The following AIRE variants were observed in gnomAD, a reference collection of about 807,000 sequenced individuals.
AIRE encodes autoimmune regulator, also known as autoimmune polyendocrinopathy candidiasis ectodermal dystrophy protein.
In AIRE, 52 loss-of-function variants were observed where a neutral mutation model predicts 62.1. That is an observed-to-expected ratio of 0.84 (90% CI 0.67 to 1.06). The LOEUF (loss-of-function observed/expected upper bound fraction) is 1.06. Among genes scored for constraint, AIRE ranks in the 50% least tolerant of loss-of-function variants. The probability of loss-of-function intolerance (pLI) is 0.00; values close to 1 mark genes in which losing one functional copy is unlikely to be tolerated. For synonymous variants in AIRE, 342 were observed against 321.6 expected (o/e 1.06, Z -0.68); for missense variants, 774 against 755.8 (o/e 1.02, Z -0.28).
Position 44,292,426 on chromosome 21 carries a change from G to A in AIRE, c.1095+25G>A, listed in dbSNP as rs770587794. 1.0e-5 allele frequency: 15 copies of A among 1,503,768 alleles called. No individual in the cohort carries two copies. In the South Asian group the frequency reaches 1.3e-4, roughly 13 times the overall value. 93.2% of individuals were successfully genotyped at this position (1,503,768 alleles called of 1,614,324 possible). Reference sequence around the variant, plus strand: ...GGTATGGCCACGCCCCCTCCTAGCCGGGCCACCCCTCCTGTCCACATGGCC... The same window carrying A: ...GGTATGGCCACGCCCCCTCCTAGCCAGGCCACCCCTCCTGTCCACATGGCC... On this transcript the variant is annotated intron_variant, in intron 9 of 13. Transcript: ENST00000291582.
intron 7 of AIRE, chr21:44,290,549 C>A: frequency 5.2e-6 from 4 of 771,712 alleles, no homozygotes; most frequent in African/African-American, 1.9e-5. Flanking sequence ...CCAGTCCTGC[C>A]CTGCAGGAGC....
At position 44,292,337 on chromosome 21, in the gene AIRE, C is replaced by G; in HGVS notation, c.1031C>G (p.Thr344Arg). ...AGGTGCTCCAGCTGCCTGCAGGCAA[C>G]AGTCCAGGAGGTGCAGCCCCGGGCA... ...TWRCSSCLQA[T>R]VQEVQPRAEE... is the part of the protein sequence containing the mutation. The change falls in exon 9 of 14, where the codon ACA (threonine) becomes AGA (arginine). Residue 344 changes from threonine (T) to arginine (R), a missense_variant. Thr to Arg is a moderately conservative substitution (Grantham distance 71). Around this residue, in one of 3 missense-constraint regions of AIRE, gnomAD observed 354 missense variants for 296.1 expected, o/e 1.20. Coordinates refer to ENST00000291582, the MANE Select transcript of AIRE (RefSeq NM_000383.4). The G allele has an allele frequency of 6.3e-7, 1 of 1,577,968 alleles. No individual in the cohort carries two copies. The highest frequency in any genetic ancestry group is 8.6e-7 in the Non-Finnish European group (1 of 1,162,294).
intron 9 of AIRE, 117 bp downstream of exon 9, chr21:44,292,518 C>T (rs993753184): frequency 1.4e-6 from 1 of 713,836 alleles, no homozygotes; most frequent in Non-Finnish European, 2.4e-6. Flanking sequence ...TGGGACAGGA[C>T]TGCCCCAGCC....
At position 44,291,115 on chromosome 21, in the gene AIRE, C is replaced by T. The variant is rs536338321; in HGVS notation, c.900C>T (p.Ala300=). ...GCCAGAAGAATGAGGACGAGTGTGC[C>T]GTGTGTCGGGACGGCGGGGAGCTCA... ...QLHQKNEDEC[A]VCRDGGELIC... is the part of the protein sequence containing the mutation. The change falls in exon 8 of 14, where the codon GCC becomes GCT. Residue 300 remains alanine (A), a synonymous_variant. Coordinates refer to ENST00000291582, the MANE Select transcript of AIRE (RefSeq NM_000383.4). The T allele has an allele frequency of 2.3e-5, 37 of 1,612,792 alleles. No individual in the cohort carries two copies. The highest frequency in any genetic ancestry group is 1.8e-4 in the South Asian group (16 of 91,076).
At chr21:44,294,794 C>T (rs934239701) in intron 12 of AIRE, among the ~76,000 whole-genome samples, 2 of 152,196 alleles carry the variant, frequency 1.3e-5, no homozygotes, top group Non-Finnish European at 2.9e-5. Context: ...CCTGCCAGGG[C>T]TCCCTGGTGG....
chr21:44,293,734 T>A, intron 10 of AIRE, 55 bp from the exon 11 acceptor site: 1 of 1,593,742 alleles, frequency 6.3e-7, no homozygotes. Context: ...CGGGTTCGGG[T>A]TCAGCTACAT....
intron 13 of AIRE, among the ~76,000 whole-genome samples, chr21:44,296,968 G>A (rs562167505): frequency 6.6e-6 from 1 of 152,226 alleles, no homozygotes. Flanking sequence ...AAGAGGATAA[G>A]CTCCTTCAGC....
chr21:44,286,949 G>A lies in AIRE; in HGVS notation c.308-29G>A. The A allele has an allele frequency of 1.9e-6, 3 of 1,612,696 alleles. No homozygotes were observed. Among genetic ancestry groups the A allele is most frequent in the Non-Finnish European group, 2.5e-6 (3 of 1,179,938 alleles). On this transcript the variant is annotated intron_variant, in intron 2 of 13. Coordinates refer to ENST00000291582, the MANE Select transcript of AIRE (RefSeq NM_000383.4). The surrounding 1 kb of genome is among the most constrained non-coding windows in gnomAD (Gnocchi z 6.0). Reference sequence around the variant, plus strand: ...TACCCCTGGAGAAAACCCTGAGGTTGGGACCCTGCTCCTGCCCCTGAGCTG... The same window carrying A: ...TACCCCTGGAGAAAACCCTGAGGTTAGGACCCTGCTCCTGCCCCTGAGCTG...
chr21:44,292,922 G>A (rs1189013579), intron 9 of AIRE, 71 bp from the exon 10 acceptor site: 15 of 1,472,132 alleles, frequency 1.0e-5, no homozygotes, highest in Non-Finnish European at 1.4e-5. Context: ...CAGGGTCCCA[G>A]CAGTCACTGA....
chr21:44,287,211 C>A lies in AIRE; in HGVS notation c.463+78C>A. The A allele has an allele frequency of 6.4e-7, 1 of 1,561,576 alleles. No homozygotes were observed. Among genetic ancestry groups the A allele is most frequent in the Non-Finnish European group, 8.7e-7 (1 of 1,149,260 alleles). On this transcript the variant is annotated intron_variant, in intron 3 of 13. Coordinates refer to ENST00000291582, the MANE Select transcript of AIRE (RefSeq NM_000383.4). The surrounding 1 kb of genome is among the most constrained non-coding windows in gnomAD (Gnocchi z 4.3). ...CCCGGGAGCCCACGCCCCCTCCCCA[C>A]CCGGGCTCCCACCCACTGGGTGTGG...
At chr21:44,290,580 G>C in intron 7 of AIRE, 2 of 717,974 alleles carry the variant, frequency 2.8e-6, no homozygotes, top group Non-Finnish European at 1.7e-6. Flanking sequence ...GTGGGCGTCT[G>C]GGGGATTGTT....
At position 44,297,541 on chromosome 21, in the gene AIRE, C is replaced by G; in HGVS notation, c.1567-115C>G. 3 of 1,006,366 alleles carry G rather than the reference C, an allele frequency of 3.0e-6. No homozygotes were observed. Among genetic ancestry groups the G allele is most frequent in the Non-Finnish European group, 4.6e-6 (3 of 654,504 alleles). 62.3% of individuals were successfully genotyped at this position (1,006,366 alleles called of 1,614,324 possible). ...GCCATGGGGCCTCGGGCCTCAGTTT[C>G]CCCACCTTTGACTTAGAGGGAAGGT... On this transcript the variant is annotated intron_variant, in intron 13 of 13. Coordinates refer to ENST00000291582, the MANE Select transcript of AIRE (RefSeq NM_000383.4). The surrounding 1 kb of genome is among the most constrained non-coding windows in gnomAD (Gnocchi z 4.8).
chr21:44,290,961 T>G (rs1399044038), intron 7 of AIRE, 134 bp from the exon 8 acceptor site: 1 of 1,612,460 alleles, frequency 6.2e-7, no homozygotes, highest in East Asian at 2.2e-5. Context: ...CCTGGCAGCA[T>G]GGGAGCAGGG....
At position 44,286,028 on chromosome 21, in the gene AIRE, C is replaced by A; in HGVS notation, c.22C>A (p.Arg8Ser). MATDAAL[R>S]RLLRLHRTEI... Reference sequence around the variant, plus strand: ...CCCCATGGCGACGGACGCGGCGCTACGCCGGCTTCTGAGGCTGCACCGCAC... The same window carrying A: ...CCCCATGGCGACGGACGCGGCGCTAAGCCGGCTTCTGAGGCTGCACCGCAC... Residue 8 changes from arginine to serine, a missense_variant, in exon 1 of 14, where the codon CGC (arginine) becomes AGC (serine). By Grantham distance (110) the Arg-to-Ser change is moderately radical. Coordinates refer to ENST00000291582, the MANE Select transcript of AIRE (RefSeq NM_000383.4). This position sits in a 1 kb window ranked among gnomAD's most constrained non-coding sequence, Gnocchi z 6.0. 1 of 1,534,874 alleles carries A rather than the reference C, an allele frequency of 6.5e-7. No homozygotes were observed. The highest frequency in any genetic ancestry group is 8.7e-7 in the Non-Finnish European group (1 of 1,144,952).
intron 10 of AIRE, among the ~76,000 whole-genome samples, chr21:44,293,425 C>T (rs2146384026): frequency 6.6e-6 from 1 of 152,146 alleles, no homozygotes; most frequent in Admixed American, 6.5e-5. Context: ...GGGGGATGTC[C>T]CAGCACACGT....
At position 44,286,543 on chromosome 21, in the gene AIRE, C is replaced by A. The variant is rs971114093; in HGVS notation, c.133-14C>A. On this transcript the variant is annotated splice_polypyrimidine_tract_variant and intron_variant, in intron 1 of 13. Transcript: ENST00000291582. This position sits in a 1 kb window ranked among gnomAD's most constrained non-coding sequence, Gnocchi z 6.0. ...GGGGACCATGGCAGGGACCCTCATG[C>A]CACCCCACTGCAGGAGACGCTTCAT... 3.1e-6 allele frequency: 5 copies of A among 1,603,220 alleles called. No individual in the cohort carries two copies.
rs934052388 is a variant in AIRE, at chr21:44,286,451, C to T, written c.133-106C>T. 4.5e-5 allele frequency: 58 copies of T among 1,281,768 alleles called. No individual in the cohort carries two copies. In the African/African-American group the frequency reaches 5.5e-4, roughly 12 times the overall value. 79.4% of individuals were successfully genotyped at this position (1,281,768 alleles called of 1,614,324 possible). The stretch of plus-strand genomic sequence containing the variant: ...GAGATGGGCGTGGAGCTGTCCAGGT[C>T]GCCAGCGCCTCTGCCTGGGAGCTCC... On this transcript the variant is annotated intron_variant, in intron 1 of 13. Transcript: ENST00000291582. The surrounding 1 kb of genome is among the most constrained non-coding windows in gnomAD (Gnocchi z 6.0).
intron 5 of AIRE, 133 bp from the exon 6 acceptor site, chr21:44,289,523 TG>T: frequency 7.8e-7 from 1 of 1,275,850 alleles, no homozygotes. Context: ...TCGACTGGGG[TG>T]GGGGCGGGCT....
intron 8 of AIRE, 91 bp from the exon 9 acceptor site, chr21:44,292,211 G>A (rs954457332): frequency 2.9e-6 from 3 of 1,029,444 alleles, no homozygotes; most frequent in Non-Finnish European, 4.5e-6. Context: ...GAAAAGACAT[G>A]GTCGGAGCCC....
Sources: allele counts gnomAD v4.1 joint callset (sites outside exome capture counted in the v4.1 genomes callset), GRCh38; gene constraint gnomAD v4.1.1; regional missense constraint gnomAD v4.1.1; non-coding constraint Gnocchi (gnomAD v3.1); transcripts MANE v1.5; gene names NCBI Gene and HGNC (gene_info 2026-07-23, HGNC 2026-07-21).